The following KLHL5 variants were observed in gnomAD, a reference collection of about 807,000 sequenced individuals.
The protein encoded by KLHL5 is kelch-like protein 5.
In KLHL5, 48 loss-of-function variants were observed where a neutral mutation model predicts 77.7. The ratio of observed to expected loss-of-function variants is 0.62; its 90% CI spans 0.49 to 0.79. KLHL5 has a LOEUF of 0.79. KLHL5 is among the 30% of genes least tolerant of loss of function. The pLI is 0.00. For missense variants in KLHL5, 723 were observed against 859.7 expected (o/e 0.84, Z 1.99); for synonymous variants, 260 against 297.0 (o/e 0.88, Z 1.28).
chr4:39,082,046 T>C lies in KLHL5; in HGVS notation c.787T>C (p.Cys263Arg), dbSNP rs763925160. ...TCAGCTTTCACAGGTTGTAGAAGCA[T>C]GCTGTAAGTTTTTAATGAAACAGCT... ...LLQLSQVVEACCKFLMKQLHP... is the reference protein window; with the variant it reads ...LLQLSQVVEARCKFLMKQLHP... The change falls in exon 4 of 11, where the codon TGC (cysteine) becomes CGC (arginine). Residue 263 changes from cysteine to arginine, a missense_variant. Around this residue, in one of 3 missense-constraint regions of KLHL5, gnomAD observed 288 missense variants for 400.3 expected, o/e 0.72. Coordinates refer to ENST00000504108, the MANE Select transcript of KLHL5 (RefSeq NM_015990.5). 6.2e-7 allele frequency: 1 copy of C among 1,614,082 alleles called. No homozygotes were observed. The highest frequency in any genetic ancestry group is 2.2e-5 in the East Asian group (1 of 44,882).
At chr4:39,142,319 T>C in the KLHL5 span, among the ~76,000 whole-genome samples, 1 of 150,874 alleles carries the variant, frequency 6.6e-6, no homozygotes, top group Non-Finnish European at 1.5e-5. Context: ...TGCTTGAACC[T>C]GGGAAGCGGA....
chr4:39,097,537 T>G (rs1037257544), intron 6 of KLHL5, among the ~76,000 whole-genome samples: 2 of 152,208 alleles, frequency 1.3e-5, no homozygotes, highest in Non-Finnish European at 2.9e-5. Flanking sequence ...ACGGAGAACT[T>G]AGCCGCCCAT....
intron 6 of KLHL5, among the ~76,000 whole-genome samples, chr4:39,101,793 C>T (rs1441392027): frequency 6.7e-6 from 1 of 149,036 alleles, no homozygotes; most frequent in Admixed American, 6.7e-5. Context: ...TTGTGGTGAG[C>T]CGAGATCATA....
intron 1 of KLHL5, among the ~76,000 whole-genome samples, chr4:39,075,335 C>CAA (rs10718590): frequency 0.013 from 1,781 of 139,932 alleles, 29 homozygotes; most frequent in African/African-American, 0.043. Flanking sequence ...CCGTCTCAAA[C>CAA]AAAAAAAAAA....
downstream of KLHL5, among the ~76,000 whole-genome samples, chr4:39,130,062 G>A (rs1204029011): frequency 3.3e-5 from 5 of 152,140 alleles, no homozygotes; most frequent in South Asian, 6.2e-4. Context: ...GCTCGGTCGG[G>A]GAGACCCTAA....
At position 39,122,663 on chromosome 4, in the gene KLHL5, A is replaced by C. The variant is rs1025279858; in HGVS notation, c.*1597A>C. ...TACTAAAAATAAAAAATAAAAAAAA[A>C]TTAGCCAGGCGTGGTGGCGGGTGCC... is the stretch of plus-strand genomic sequence containing the variant. On this transcript the variant is annotated 3_prime_UTR_variant, in exon 11 of 11. Transcript: ENST00000504108. Among the ~76,000 whole-genome samples, 4 of 152,014 alleles carry C rather than the reference A, an allele frequency of 2.6e-5. No homozygotes were observed. The highest frequency in any genetic ancestry group is 9.7e-5 in the African/African-American group (4 of 41,382).
chr4:39,142,061 G>A, the KLHL5 span, among the ~76,000 whole-genome samples: 2 of 152,070 alleles, frequency 1.3e-5, no homozygotes, highest in East Asian at 1.9e-4. Context: ...TTAGCATGCC[G>A]TGAAATCACA....
intron 1 of KLHL5, among the ~76,000 whole-genome samples, chr4:39,065,494 C>T (rs1447926438): frequency 1.3e-5 from 2 of 151,806 alleles, no homozygotes; most frequent in African/African-American, 2.4e-5. Context: ...TCTGGGACTA[C>T]AGACATGTGC....
intron 8 of KLHL5, among the ~76,000 whole-genome samples, chr4:39,110,670 G>C (rs1722391914): frequency 6.6e-6 from 1 of 152,050 alleles, no homozygotes; most frequent in Admixed American, 6.6e-5. Context: ...ATCTCACTGT[G>C]CTGCCCAGGT....
At chr4:39,105,972 C>T (rs1233163487) in intron 7 of KLHL5, among the ~76,000 whole-genome samples, 1 of 152,052 alleles carries the variant, frequency 6.6e-6, no homozygotes, top group East Asian at 1.9e-4. Flanking sequence ...ATGATCATGT[C>T]GCACCTCTTC....
At chr4:39,092,364 A>G (rs566249099) in intron 5 of KLHL5, among the ~76,000 whole-genome samples, 1 of 152,310 alleles carries the variant, frequency 6.6e-6, no homozygotes, top group South Asian at 2.1e-4. Context: ...TAATTTATAG[A>G]TACTATCTGT....
At chr4:39,113,661 TAGC>T (rs1383665021) in intron 9 of KLHL5, among the ~76,000 whole-genome samples, 1 of 152,212 alleles carries the variant, frequency 6.6e-6, no homozygotes, top group Non-Finnish European at 1.5e-5. Flanking sequence ...GAGAGCCAAA[TAGC>T]AGTGGAAGAT....
chr4:39,092,206 A>T (rs1577701606), intron 5 of KLHL5, among the ~76,000 whole-genome samples: 1 of 152,234 alleles, frequency 6.6e-6, no homozygotes, highest in Admixed American at 6.5e-5. Flanking sequence ...CCAAAAATGC[A>T]GAGTTCATGA....
At chr4:39,086,824 G>T in intron 5 of KLHL5, 97 bp downstream of exon 5, 1 of 775,744 alleles carries the variant, frequency 1.3e-6, no homozygotes, top group Non-Finnish European at 2.0e-6. Context: ...TAGGTGAAAA[G>T]ATAGTGAGCT....
upstream of KLHL5, chr4:39,044,984 G>A (rs1344306831): frequency 2.5e-5 from 25 of 989,434 alleles, no homozygotes; most frequent in Non-Finnish European, 2.9e-5. Context: ...AGGGGCGCGC[G>A]AGGGGCCGAG....
At chr4:39,090,517 C>G (rs1280945929) in intron 5 of KLHL5, among the ~76,000 whole-genome samples, 1 of 149,986 alleles carries the variant, frequency 6.7e-6, no homozygotes, top group Non-Finnish European at 1.5e-5. Flanking sequence ...GGCACAATCT[C>G]ATCTCACTGC....
intron 8 of KLHL5, chr4:39,112,538 A>C (rs937124439): frequency 1.2e-5 from 2 of 162,462 alleles, no homozygotes; most frequent in African/African-American, 4.8e-5. Flanking sequence ...TGAAACAGGG[A>C]TTCAAACAGT....
In KLHL5 at chr4:39,110,216, G is replaced by A. The variant is rs190234348; in HGVS notation, c.1688+2485G>A. The stretch of plus-strand genomic sequence containing the variant: ...TTATTATAAAAATCTGTGAAGAAGA[G>A]TAAGTGCTGAAGAACAGAAGAATAA... On this transcript the variant is annotated intron_variant, in intron 8 of 10. Transcript: ENST00000504108. Among the ~76,000 whole-genome samples, 10 of 152,312 alleles carry A rather than the reference G, an allele frequency of 6.6e-5. No homozygotes were observed. In the South Asian group the frequency reaches 1.2e-3, roughly 19 times the overall value.
At chr4:39,142,787 A>G in the KLHL5 span, among the ~76,000 whole-genome samples, 1 of 138,244 alleles carries the variant, frequency 7.2e-6, no homozygotes, top group South Asian at 2.2e-4. Flanking sequence ...ATGCTGAGTG[A>G]AAAAAAAAAA....
Sources: allele counts gnomAD v4.1 joint callset (sites outside exome capture counted in the v4.1 genomes callset), GRCh38; gene constraint gnomAD v4.1.1; regional missense constraint gnomAD v4.1.1; transcripts MANE v1.5; gene names NCBI Gene and HGNC (gene_info 2026-07-23, HGNC 2026-07-21).